EYS: variants seen among roughly 807,000 people sequenced by gnomAD.
The protein encoded by EYS is protein eyes shut homolog.
A neutral mutation model predicts 282.1 loss-of-function variants in EYS; 250 were observed. That is an observed-to-expected ratio of 0.89 (90% CI 0.80 to 0.98). The LOEUF is 0.98. Among genes scored for constraint, EYS ranks in the 50% least tolerant of loss-of-function variants. EYS has a pLI of 0.00. For missense variants in EYS, 4,016 were observed against 3,709.0 expected (o/e 1.08, Z -2.15); for synonymous variants, 1,355 against 1,282.9 (o/e 1.06, Z -1.20).
At chr6:65,478,028 C>T (rs1194195257) in intron 5 of EYS, among the ~76,000 whole-genome samples, 1 of 152,112 alleles carries the variant, frequency 6.6e-6, no homozygotes. Context: ...GATTATCAAA[C>T]ATTTATTCAA....
At chr6:65,340,965 A>G (rs1770178810) in intron 10 of EYS, among the ~76,000 whole-genome samples, 1 of 151,122 alleles carries the variant, frequency 6.6e-6, no homozygotes, top group Non-Finnish European at 1.5e-5. Flanking sequence ...TATCAAGTCT[A>G]AACTCCAATA....
chr6:65,118,387 G>T (rs1775438927), intron 12 of EYS, among the ~76,000 whole-genome samples: 1 of 152,174 alleles, frequency 6.6e-6, no homozygotes, highest in South Asian at 2.1e-4. Flanking sequence ...GGTGTATTTT[G>T]TAAAGTTAAA....
At chr6:65,319,086 TG>T (rs1170816164) in intron 11 of EYS, among the ~76,000 whole-genome samples, 2 of 149,264 alleles carry the variant, frequency 1.3e-5, no homozygotes, top group Non-Finnish European at 3.0e-5. Flanking sequence ...TGGCTGGGTG[TG>T]GTGTCTCAGG....
intron 2 of EYS, among the ~76,000 whole-genome samples, chr6:65,549,161 G>A (rs765501139): frequency 2.0e-5 from 3 of 152,142 alleles, no homozygotes; most frequent in Non-Finnish European, 4.4e-5. Context: ...AACCGGCACT[G>A]GTCCCTGGCC....
At chr6:63,933,095 A>C (rs578168332) in intron 35 of EYS, among the ~76,000 whole-genome samples, 1 of 152,346 alleles carries the variant, frequency 6.6e-6, no homozygotes, top group South Asian at 2.1e-4. Flanking sequence ...AGGGCAAGGC[A>C]TGTGGAAAGG....
intron 28 of EYS, among the ~76,000 whole-genome samples, chr6:64,421,034 C>G (rs1774214232): frequency 6.6e-6 from 1 of 152,176 alleles, no homozygotes; most frequent in African/African-American, 2.4e-5. Context: ...ACCTCACTCT[C>G]TGTGGTACCA....
At chr6:64,217,726 TA>T (rs1432217228) in intron 31 of EYS, among the ~76,000 whole-genome samples, 1 of 152,192 alleles carries the variant, frequency 6.6e-6, no homozygotes, top group Non-Finnish European at 1.5e-5. Context: ...CCTCCCCTTC[TA>T]AAGATGGGTA....
intron 35 of EYS, among the ~76,000 whole-genome samples, chr6:63,930,846 C>A (rs1183485090): frequency 6.6e-6 from 1 of 152,092 alleles, no homozygotes; most frequent in Non-Finnish European, 1.5e-5. Context: ...TTATCCTAGT[C>A]TATAATTTAT....
chr6:65,033,403 A>G lies in EYS; in HGVS notation c.2137+24211T>C, dbSNP rs570402444. On this transcript the variant is annotated intron_variant, in intron 13 of 42. Coordinates refer to ENST00000503581, the MANE Select transcript of EYS (RefSeq NM_001142800.2). ...AACATGCCTCGAAGGTATTTCAGAG[A>G]CCTTCATGGCAGTCACTCCCATCAC... Among the ~76,000 whole-genome samples the G allele has an allele frequency of 7.9e-5, 12 of 152,214 alleles. No individual in the cohort carries two copies. In the South Asian group the frequency reaches 8.3e-4, roughly 11 times the overall value.
At chr6:65,584,536 A>T (rs1203036176) in intron 2 of EYS, among the ~76,000 whole-genome samples, 1 of 152,030 alleles carries the variant, frequency 6.6e-6, no homozygotes, top group African/African-American at 2.4e-5. Context: ...TTTTCAAACA[A>T]AAATTTGAAG....
intron 22 of EYS, among the ~76,000 whole-genome samples, chr6:64,686,663 T>A (rs1039362009): frequency 6.9e-6 from 1 of 145,848 alleles, no homozygotes; most frequent in Non-Finnish European, 1.5e-5. Context: ...ATGACATGAA[T>A]CCAGGAAGCG....
rs1232944983 is a variant in EYS at position 63,720,018 on chromosome 6, C to T, written c.*578G>A. 2.6e-5 allele frequency: 4 copies of T among 152,278 alleles called. No homozygotes were observed. The highest frequency in any genetic ancestry group is 4.4e-5 in the Non-Finnish European group (3 of 68,136). The allele number at this position is 152,278 out of a possible 1,614,324, so 9.4% of individuals were successfully genotyped here. On this transcript the variant is annotated 3_prime_UTR_variant, in exon 43 of 43. Transcript: ENST00000503581. ...TTAGCTCTTACCAGCCTGTTCTCCTCTCCTCTCACCTTCTCTTTCTACATT... is the reference window on the plus strand; with the variant it reads ...TTAGCTCTTACCAGCCTGTTCTCCTTTCCTCTCACCTTCTCTTTCTACATT...
chr6:65,523,885 G>A (rs1247724734), intron 2 of EYS, among the ~76,000 whole-genome samples: 3 of 151,994 alleles, frequency 2.0e-5, no homozygotes, highest in Admixed American at 6.6e-5. Context: ...CCAACTTTTT[G>A]TTTGAGACAG....
chr6:65,602,842 G>A (rs1765658606), intron 2 of EYS, among the ~76,000 whole-genome samples: 1 of 151,886 alleles, frequency 6.6e-6, no homozygotes, highest in Non-Finnish European at 1.5e-5. Flanking sequence ...TCCATGGCGT[G>A]ACACACTTTT....
Position 65,306,832 on chromosome 6 carries a change from C to CAAAAAAAA in EYS, c.1767-10721_1767-10714dup, listed in dbSNP as rs201743269. ...TGGGCAGCAGAGCAAGAGTCCGTCT[C>CAAAAAAAA]AAAAAAAAAAAAAAAAAAAAAAAAA... is the stretch of plus-strand genomic sequence containing the variant. On this transcript the variant is annotated intron_variant, in intron 11 of 42. Transcript: ENST00000503581. Among the ~76,000 whole-genome samples, 294 of 51,762 alleles carry CAAAAAAAA rather than the reference C, an allele frequency of 5.7e-3. 12 individuals carry two copies. Among genetic ancestry groups the CAAAAAAAA allele is most frequent in the Non-Finnish European group, 7.0e-3 (210 of 29,978 alleles). 34.0% of individuals were successfully genotyped at this position (51,762 alleles called of 152,430 possible). A position where few individuals can be genotyped will look rare whatever the true frequency, so the allele number is the denominator to read the frequency against.
At chr6:65,098,281 G>T (rs1774796448) in intron 12 of EYS, among the ~76,000 whole-genome samples, 1 of 150,736 alleles carries the variant, frequency 6.6e-6, no homozygotes, top group African/African-American at 2.4e-5. Context: ...GAGTAAAAGG[G>T]TTAGCGCACA....
intron 33 of EYS, among the ~76,000 whole-genome samples, chr6:64,035,974 T>A (rs1770101932): frequency 6.6e-6 from 1 of 152,196 alleles, no homozygotes; most frequent in Admixed American, 6.5e-5. Flanking sequence ...AGGCATTAGT[T>A]TGTGTTAGTA....
chr6:64,251,297 T>C (rs1324666734), intron 30 of EYS, among the ~76,000 whole-genome samples: 1 of 152,156 alleles, frequency 6.6e-6, no homozygotes, highest in Non-Finnish European at 1.5e-5. Context: ...TGCATAATCT[T>C]TATGTACTGA....
chr6:64,257,742 C>T (rs1029891601), intron 30 of EYS, among the ~76,000 whole-genome samples: 2 of 150,964 alleles, frequency 1.3e-5, no homozygotes, highest in African/African-American at 4.9e-5. Context: ...AATGCTCACA[C>T]CGCTGCTCTG....
Sources: allele counts gnomAD v4.1 joint callset (sites outside exome capture counted in the v4.1 genomes callset), GRCh38; gene constraint gnomAD v4.1.1; transcripts MANE v1.5; gene names NCBI Gene and HGNC (gene_info 2026-07-23, HGNC 2026-07-21).